Variants in CD3E observed in about 807,000 individuals in gnomAD.
The protein encoded by CD3E is CD3 epsilon subunit of T-cell receptor complex.
CD3E carries 16 observed loss-of-function variants against 34.7 expected under a neutral mutation model. The observed-to-expected ratio is 0.46, with a 90% CI of 0.31 to 0.70. The LOEUF is 0.70. Among genes scored for constraint, CD3E ranks in the 30% least tolerant of loss-of-function variants. The pLI, the probability that CD3E is intolerant of heterozygous loss-of-function variation, is 0.05. For synonymous variants in CD3E, 70 were observed against 90.8 expected (o/e 0.77, Z 1.30); for missense variants, 223 against 253.9 (o/e 0.88, Z 0.83).
Position 118,312,858 on chromosome 11 carries a change from G to C in CD3E, c.344G>C (p.Arg115Thr), listed in dbSNP as rs1306542359. Residue 115 changes from arginine to threonine, a missense_variant, in exon 6 of 9, where the codon AGG (arginine) becomes ACG (threonine). Physicochemically the swap from Arg to Thr is moderately conservative, Grantham distance 71. Coordinates refer to ENST00000361763, the MANE Select transcript of CD3E (RefSeq NM_000733.4). ...PEDANFYLYL[R>T]ARVCENCMEM... ...GATGCGAACTTTTATCTCTACCTGA[G>C]GGCAAGAGGTAATCCAGGTCTCCAG... The C allele has an allele frequency of 6.2e-7, 1 of 1,613,994 alleles. No individual in the cohort carries two copies. Among genetic ancestry groups the C allele is most frequent in the Non-Finnish European group, 8.5e-7 (1 of 1,180,038 alleles).
At chr11:118,314,331 C>G in intron 7 of CD3E, 117 bp from the exon 8 acceptor site, 5 of 802,688 alleles carry the variant, frequency 6.2e-6, no homozygotes, top group African/African-American at 1.7e-5. Flanking sequence ...GAAAAGGGAG[C>G]GGTAGAGGAG....
chr11:118,312,564 C>A, intron 5 of CD3E, 54 bp from the exon 6 acceptor site: 1 of 1,610,944 alleles, frequency 6.2e-7, no homozygotes, highest in Non-Finnish European at 8.5e-7. Flanking sequence ...CACTAATTTG[C>A]CTTTTCTAAA....
Position 118,312,164 on chromosome 11 carries a change from C to G in CD3E, c.97C>G (p.Gln33Glu). 1.2e-6 allele frequency: 2 copies of G among 1,611,818 alleles called. No homozygotes were observed. Among genetic ancestry groups the G allele is most frequent in the Non-Finnish European group, 1.7e-6 (2 of 1,177,914 alleles). The change falls in exon 5 of 9, where the codon CAG (glutamine) becomes GAG (glutamate). Residue 33 changes from glutamine to glutamate, a missense_variant. Gln to Glu is a conservative substitution (Grantham distance 29, BLOSUM62 2). Transcript: ENST00000361763. ...TTTTTCATTTTCAGGTGGTATTACA[C>G]AGACACGTGAGTTTATTGGTCTTTT... ...DGNEEMGGIT[Q>E]TPYKVSISGT...
rs201728235 is a variant in CD3E at position 118,315,926 on chromosome 11, G to A, written c.*384G>A. The A allele has an allele frequency of 5.7e-5, 19 of 331,346 alleles. No individual in the cohort carries two copies. Among genetic ancestry groups the A allele is most frequent in the South Asian group, 8.7e-5 (3 of 34,420 alleles). 20.5% of individuals were successfully genotyped at this position (331,346 alleles called of 1,614,324 possible). ...GTATTCCATCTACTTTTCTATCGCCGTCCCCTTTTGCAGCCCTCTCTGGGG... is the reference window on the plus strand; with the variant it reads ...GTATTCCATCTACTTTTCTATCGCCATCCCCTTTTGCAGCCCTCTCTGGGG... On this transcript the variant is annotated 3_prime_UTR_variant, in exon 9 of 9. Transcript: ENST00000361763.
chr11:118,308,204 T>C (rs1948118038), intron 3 of CD3E, among the ~76,000 whole-genome samples: 1 of 152,140 alleles, frequency 6.6e-6, no homozygotes. Flanking sequence ...CCAGCCTAGA[T>C]TCCGCCATGC....
intron 6 of CD3E, 60 bp from the exon 7 acceptor site, chr11:118,313,647 C>G (rs946824844): frequency 6.5e-7 from 1 of 1,544,334 alleles, no homozygotes; most frequent in Admixed American, 1.7e-5. Flanking sequence ...CTCCTCACCT[C>G]CAGCGCCTTG....
At chr11:118,308,318 T>C in intron 3 of CD3E, 109 bp from the exon 4 acceptor site, 1 of 781,528 alleles carries the variant, frequency 1.3e-6, no homozygotes. Context: ...AATTGGAAGA[T>C]CCATTGTTTC....
chr11:118,315,400 C>A (rs146149691), intron 8 of CD3E, 86 bp from the exon 9 acceptor site: 4 of 1,151,938 alleles, frequency 3.5e-6, no homozygotes, highest in Admixed American at 1.8e-5. Context: ...GTTCTTCCCA[C>A]GCACTAAAGC....
In CD3E at chr11:118,315,467, C is replaced by G. The variant is rs199582695; in HGVS notation, c.568-19C>G. ...TTCCTCCCGCACCACTGACCGCCCC[C>G]TCTCTATTTCACCCCCAGCCCATCC... is the stretch of plus-strand genomic sequence containing the variant. On this transcript the variant is annotated intron_variant, in intron 8 of 8. Coordinates refer to ENST00000361763, the MANE Select transcript of CD3E (RefSeq NM_000733.4). 5.6e-6 allele frequency: 9 copies of G among 1,611,644 alleles called. No individual in the cohort carries two copies. The highest frequency in any genetic ancestry group is 7.6e-6 in the Non-Finnish European group (9 of 1,178,594).
intron 4 of CD3E, 134 bp downstream of exon 4, chr11:118,308,575 C>T (rs145013401): frequency 1.0e-5 from 7 of 701,914 alleles, no homozygotes; most frequent in Middle Eastern, 3.7e-4. Flanking sequence ...CAATGGGATC[C>T]GTATGAAACT....
chr11:118,308,983 G>A (rs533725952), intron 4 of CD3E, among the ~76,000 whole-genome samples: 64 of 152,310 alleles, frequency 4.2e-4, no homozygotes, highest in Non-Finnish European at 8.7e-4. Context: ...CCTGGGGGAG[G>A]TGGTCCTTGA....
chr11:118,306,367 C>T (rs963380657), intron 2 of CD3E, among the ~76,000 whole-genome samples: 2 of 151,974 alleles, frequency 1.3e-5, no homozygotes, highest in African/African-American at 4.8e-5. Flanking sequence ...AGGTGGCACA[C>T]ACCTATAGTT....
In CD3E at chr11:118,315,877, A is replaced by G. The variant is rs1164170241; in HGVS notation, c.*335A>G. 3 of 448,158 alleles carry G rather than the reference A, an allele frequency of 6.7e-6. No individual in the cohort carries two copies. The highest frequency in any genetic ancestry group is 1.2e-5 in the Non-Finnish European group (3 of 246,032). 27.8% of individuals were successfully genotyped at this position (448,158 alleles called of 1,614,324 possible). A position where few individuals can be genotyped will look rare whatever the true frequency, so the allele number is the denominator to read the frequency against. The stretch of plus-strand genomic sequence containing the variant: ...CCGTTCAGTTCCCTCCTTTTCTTGC[A>G]TGTAAGTTGTCCCCCATCCCAAAGT... On this transcript the variant is annotated 3_prime_UTR_variant, in exon 9 of 9. Transcript: ENST00000361763.
chr11:118,308,537 C>T, intron 4 of CD3E, 96 bp downstream of exon 4: 1 of 814,568 alleles, frequency 1.2e-6, no homozygotes, highest in Non-Finnish European at 2.1e-6. Flanking sequence ...AGAACTAAAA[C>T]TATTAAAGGG....
intron 3 of CD3E, among the ~76,000 whole-genome samples, chr11:118,307,621 G>A (rs968935684): frequency 3.3e-5 from 5 of 152,220 alleles, no homozygotes; most frequent in African/African-American, 1.2e-4. Context: ...CAGAGGAGAC[G>A]TAGCCAGAAT....
chr11:118,313,935 A>T, intron 7 of CD3E, 61 bp downstream of exon 7: 1 of 1,577,006 alleles, frequency 6.3e-7, no homozygotes, highest in Non-Finnish European at 8.7e-7. Context: ...AGCCTGGGCC[A>T]GGGTGGGTGG....
At chr11:118,309,912 G>A (rs1948126635) in intron 4 of CD3E, among the ~76,000 whole-genome samples, 1 of 152,230 alleles carries the variant, frequency 6.6e-6, no homozygotes, top group South Asian at 2.1e-4. Context: ...GAGCTCAGAA[G>A]GTTGAGGCTG....
Position 118,313,792 on chromosome 11 carries a change from G to T in CD3E, c.438G>T (p.Leu146=), listed in dbSNP as rs200646622. 6.2e-7 allele frequency: 1 copy of T among 1,614,160 alleles called. No homozygotes were observed. The highest frequency in any genetic ancestry group is 8.5e-7 in the Non-Finnish European group (1 of 1,180,032). Residue 146 remains leucine, a synonymous_variant, in exon 7 of 9, where the codon CTG becomes CTT. Transcript: ENST00000361763. ...TCTGCATCACTGGGGGCTTGCTGCTGCTGGTTTACTACTGGAGCAAGAATA... is the reference window on the plus strand; with the variant it reads ...TCTGCATCACTGGGGGCTTGCTGCTTCTGGTTTACTACTGGAGCAAGAATA... The part of the protein sequence containing the change: ...VDICITGGLL[L]LVYYWSKNRK...
rs1449301562 is a variant in CD3E, at chr11:118,313,806, G to A, written c.452G>A (p.Trp151Ter). 3 of 1,614,134 alleles carry A rather than the reference G, an allele frequency of 1.9e-6. No individual in the cohort carries two copies. In the South Asian group the frequency reaches 3.3e-5, roughly 18 times the overall value. The change falls in exon 7 of 9, where the codon TGG becomes TAG. Residue 151 changes from tryptophan (W) to a stop codon, truncating the protein, a stop_gained. Transcript: ENST00000361763. LOFTEE classifies it high-confidence loss of function. ...GGCTTGCTGCTGCTGGTTTACTACT[G>A]GAGCAAGAATAGAAAGGCCAAGGCC... ...TGGLLLLVYY[W>*]SKNRKAKAKP...
Sources: allele counts gnomAD v4.1 joint callset (sites outside exome capture counted in the v4.1 genomes callset), GRCh38; gene constraint gnomAD v4.1.1; transcripts MANE v1.5; gene names NCBI Gene and HGNC (gene_info 2026-07-23, HGNC 2026-07-21).